KCNG2: variants seen among roughly 807,000 people sequenced by gnomAD.
The protein encoded by KCNG2 is potassium voltage-gated channel modifier subfamily G member 2, also known as voltage-gated potassium channel regulatory subunit KCNG2.
KCNG2 carries 7 observed loss-of-function variants against 12.3 expected under a neutral mutation model. The ratio of observed to expected loss-of-function variants is 0.57; its 90% CI spans 0.32 to 1.07. The LOEUF is 1.07. KCNG2 is among the 50% of genes least tolerant of loss of function. The pLI, the probability that KCNG2 is intolerant of heterozygous loss-of-function variation, is 0.04. For missense variants in KCNG2, 703 were observed against 726.0 expected (o/e 0.97, Z 0.36); for synonymous variants, 414 against 351.4 (o/e 1.18, Z -1.99).
intron 1 of KCNG2, among the ~76,000 whole-genome samples, chr18:79,804,430 C>T (rs761696663): frequency 1.1e-4 from 17 of 152,222 alleles, no homozygotes; most frequent in Non-Finnish European, 2.1e-4. Context: ...CTGGCTGGAG[C>T]CAGTGCTGCG....
At chr18:79,869,773 C>T (rs1436642503) in intron 3 of KCNG2, among the ~76,000 whole-genome samples, 2 of 152,232 alleles carry the variant, frequency 1.3e-5, no homozygotes, top group Non-Finnish European at 2.9e-5. Flanking sequence ...TTCTCTGACC[C>T]TCAAAAAGTA....
At position 79,827,984 on chromosome 18, in the gene KCNG2, C is replaced by T. The variant is rs187243308; in HGVS notation, c.-114-28395C>T. Among the ~76,000 whole-genome samples, 7 of 145,238 alleles carry T rather than the reference C, an allele frequency of 4.8e-5. No individual in the cohort carries two copies. In the East Asian group the frequency reaches 1.4e-3, roughly 30 times the overall value. ...TGTTGCCCAGGCTGGAGTGCAGTGG[C>T]GTTGTCAAGGCTCACTGCAACCTCT... On this transcript the variant is annotated intron_variant, in intron 1 of 3. Transcript: ENST00000316249.
At chr18:79,827,769 A>G (rs1313557407) in intron 1 of KCNG2, among the ~76,000 whole-genome samples, 1 of 152,218 alleles carries the variant, frequency 6.6e-6, no homozygotes, top group East Asian at 1.9e-4. Flanking sequence ...AAGTCTCTCC[A>G]TGTGGCTCCA....
rs779831177 is a variant in KCNG2 at position 79,899,273 on chromosome 18, G to A, written c.858G>A (p.Val286=). 2 of 1,577,078 alleles carry A rather than the reference G, an allele frequency of 1.3e-6. No individual in the cohort carries two copies. The highest frequency in any genetic ancestry group is 2.3e-5 in the South Asian group (2 of 87,700). The change falls in exon 4 of 4, where the codon GTG becomes GTA. Residue 286 remains valine, a synonymous_variant. Coordinates refer to ENST00000316249, the MANE Select transcript of KCNG2 (RefSeq NM_012283.2). ...AGCTCCTGGAGCGCGCGGGGCTGGT[G>A]CTGCGGCTGCTGCGTGCGCTGCGCG... ...GTKLLERAGL[V]LRLLRALRVL...
rs530502036 is a variant in KCNG2 at position 79,888,219 on chromosome 18, G to A, written c.625-10821G>A. 3.0e-4 allele frequency among the ~76,000 whole-genome samples: 45 copies of A among 152,330 alleles called. No individual in the cohort carries two copies. The South Asian group carries it at 7.9e-3, about 27-fold the overall frequency. ...CAGGCCCAGATTCAGTCCCGTCCAC[G>A]CGGTGGGGACCACGTTTGGGGTGGC... is the stretch of plus-strand genomic sequence containing the variant. On this transcript the variant is annotated intron_variant, in intron 3 of 3. Transcript: ENST00000316249.
chr18:79,843,576 G>A (rs568350456), intron 1 of KCNG2, among the ~76,000 whole-genome samples: 11 of 152,292 alleles, frequency 7.2e-5, no homozygotes, highest in African/African-American at 2.6e-4. Context: ...AATGTAAATT[G>A]TGACATCAGT....
Position 79,800,180 on chromosome 18 carries a change from G to A in KCNG2, c.-115+2166G>A, listed in dbSNP as rs1283424063. Among the ~76,000 whole-genome samples the A allele has an allele frequency of 6.6e-6, 1 of 152,088 alleles. No individual in the cohort carries two copies. Among genetic ancestry groups the A allele is most frequent in the Non-Finnish European group, 1.5e-5 (1 of 68,008 alleles). The stretch of plus-strand genomic sequence containing the variant: ...GAGTGAAGGGAGCAGATGGGGCTGT[G>A]CCGACAGGCATGAGCTCTGGGGGCC... On this transcript the variant is annotated intron_variant, in intron 1 of 3. Coordinates refer to ENST00000316249, the MANE Select transcript of KCNG2 (RefSeq NM_012283.2). The surrounding 1 kb of genome is among the most constrained non-coding windows in gnomAD (Gnocchi z 4.0).
chr18:79,841,542 C>T (rs112732067), intron 1 of KCNG2, among the ~76,000 whole-genome samples: 9 of 152,142 alleles, frequency 5.9e-5, no homozygotes, highest in African/African-American at 2.2e-4. Context: ...CGTTTAAAAA[C>T]TCTCAAAACT....
Position 79,863,634 on chromosome 18 carries a change from G to A in KCNG2, c.-34G>A. ...CGGTCCGTTCCTTTTGCAGGAGCCG[G>A]GCAGGAGCCCCTCGGTCCGGTCCGG... On this transcript the variant is annotated 5_prime_UTR_variant, in exon 3 of 4. Transcript: ENST00000316249. 3 of 1,206,396 alleles carry A rather than the reference G, an allele frequency of 2.5e-6. No individual in the cohort carries two copies. Among genetic ancestry groups the A allele is most frequent in the Non-Finnish European group, 2.1e-6 (2 of 972,034 alleles). 74.7% of individuals were successfully genotyped at this position (1,206,396 alleles called of 1,614,324 possible). A position where few individuals can be genotyped will look rare whatever the true frequency, so the allele number is the denominator to read the frequency against.
At chr18:79,830,348 C>G (rs1978292043) in intron 1 of KCNG2, among the ~76,000 whole-genome samples, 1 of 152,244 alleles carries the variant, frequency 6.6e-6, no homozygotes, top group Admixed American at 6.5e-5. Context: ...GAGCCCCACA[C>G]CAGACAGCCC....
In KCNG2 at chr18:79,883,713, G is replaced by A. The variant is rs545580435; in HGVS notation, c.625-15327G>A. 5.9e-5 allele frequency among the ~76,000 whole-genome samples: 9 copies of A among 152,336 alleles called. No individual in the cohort carries two copies. In the East Asian group the frequency reaches 9.7e-4, roughly 16 times the overall value. ...GTGAAGACATGTCTGTCTGGTAAAGGTGAGGATGTGCTTATATGTCTTAGA... is the reference window on the plus strand; with the variant it reads ...GTGAAGACATGTCTGTCTGGTAAAGATGAGGATGTGCTTATATGTCTTAGA... On this transcript the variant is annotated intron_variant, in intron 3 of 3. Coordinates refer to ENST00000316249, the MANE Select transcript of KCNG2 (RefSeq NM_012283.2).
rs1253508473 is a variant in KCNG2, at chr18:79,887,218, GGGTCAC to G, written c.625-11821_625-11816del. Among the ~76,000 whole-genome samples the G allele has an allele frequency of 2.0e-5, 3 of 151,690 alleles. No individual in the cohort carries two copies. The East Asian group carries it at 5.8e-4, about 29-fold the overall frequency. ...ATGGGGACAGGGACACGGGGATATA[GGGTCAC>G]AGGGACAGGGACACAGGGAGGGGAC... On this transcript the variant is annotated intron_variant, in intron 3 of 3. Transcript: ENST00000316249.
intron 1 of KCNG2, among the ~76,000 whole-genome samples, chr18:79,843,702 A>T (rs191364267): frequency 0.015 from 2,262 of 152,166 alleles, 47 homozygotes; most frequent in African/African-American, 0.049. Flanking sequence ...CCTCATGGTA[A>T]CTAAAAAGAA....
At chr18:79,891,478 G>T (rs1980742361) in intron 3 of KCNG2, among the ~76,000 whole-genome samples, 1 of 152,006 alleles carries the variant, frequency 6.6e-6, no homozygotes, top group African/African-American at 2.4e-5. Flanking sequence ...TGATCCTCCT[G>T]CCTCGGCCTC....
At chr18:79,860,910 C>T (rs112040384) in intron 2 of KCNG2, among the ~76,000 whole-genome samples, 25 of 152,254 alleles carry the variant, frequency 1.6e-4, no homozygotes, top group African/African-American at 5.5e-4. Flanking sequence ...GGAAAGAATC[C>T]AGTCTTTCAC....
chr18:79,863,566 CG>C, intron 2 of KCNG2, 61 bp from the exon 3 acceptor site: 1 of 1,115,440 alleles, frequency 9.0e-7, no homozygotes, highest in Non-Finnish European at 1.1e-6. Context: ...TGGATCCCCG[CG>C]GGCGGACGCG....
intron 3 of KCNG2, among the ~76,000 whole-genome samples, chr18:79,895,473 T>C (rs1320071555): frequency 1.3e-5 from 2 of 152,194 alleles, no homozygotes; most frequent in Non-Finnish European, 2.9e-5. Context: ...CTGCCTTTGA[T>C]TGGGTTGTTC....
At chr18:79,882,837 ACC>A (rs1980362862) in intron 3 of KCNG2, among the ~76,000 whole-genome samples, 1 of 133,684 alleles carries the variant, frequency 7.5e-6, no homozygotes, top group African/African-American at 2.7e-5. Flanking sequence ...GGCCGGGTAC[ACC>A]TGCGCGTGGA....
intron 1 of KCNG2, among the ~76,000 whole-genome samples, chr18:79,809,525 G>A (rs2849772): frequency 0.041 from 1,856 of 45,786 alleles, 178 homozygotes; most frequent in African/African-American, 0.15. Flanking sequence ...TGCCGGGGCC[G>A]CGCTGACCAC....
Sources: gnomAD v4.1 joint callset for allele counts (sites outside exome capture counted in the v4.1 genomes callset) on GRCh38, gnomAD v4.1.1 for gene constraint, Gnocchi (gnomAD v3.1) non-coding constraint, MANE v1.5 for transcripts, NCBI Gene and HGNC (gene_info 2026-07-23, HGNC 2026-07-21) for gene names.